The following SIMC1 variants were observed in gnomAD, a reference collection of about 807,000 sequenced individuals.
SIMC1 encodes SUMO interacting motifs containing 1, also known as SUMO-interacting motif-containing protein 1.
Under a neutral mutation model 82.3 loss-of-function variants are expected in SIMC1, and 55 were observed. That is an observed-to-expected ratio of 0.67 (90% CI 0.54 to 0.84). The LOEUF (loss-of-function observed/expected upper bound fraction) is 0.84, where lower values mean the gene tolerates loss of function less well. SIMC1 is among the 40% of genes least tolerant of loss of function. SIMC1 has a pLI of 0.00. For synonymous variants in SIMC1, 353 were observed against 426.3 expected, an observed-to-expected ratio of 0.83 and a Z score of 2.12; for missense variants, 915 against 1,107.2, an observed-to-expected ratio of 0.83 and a Z score of 2.46.
intron 1 of SIMC1, among the ~76,000 whole-genome samples, chr5:176,246,859 GT>G (rs1278492289): frequency 6.6e-6 from 1 of 151,942 alleles, no homozygotes; most frequent in African/African-American, 2.4e-5. Flanking sequence ...AACATGCAGT[GT>G]TTGGTTTTCT....
At chr5:176,280,167 G>A (rs891079439) in intron 1 of SIMC1, among the ~76,000 whole-genome samples, 6 of 152,136 alleles carry the variant, frequency 3.9e-5, no homozygotes, top group Non-Finnish European at 8.8e-5. Context: ...CCTGTATTGG[G>A]TGTATATATA....
chr5:176,255,754 AAAGT>A (rs891224767), intron 1 of SIMC1, among the ~76,000 whole-genome samples: 7 of 150,726 alleles, frequency 4.6e-5, no homozygotes, highest in African/African-American at 9.7e-5. Context: ...AGAAAGAAAG[AAAGT>A]AAGAAAGCCA....
In SIMC1 at chr5:176,283,851, C is replaced by T. The variant is rs553653431; in HGVS notation, c.130-5803C>T. ...GAAGATCTACCAAGCAAATGGAAAA[C>T]AAAAAAAGGCAGGGGTTGCAATCCT... On this transcript the variant is annotated intron_variant, in intron 1 of 9. Coordinates refer to ENST00000429602, the MANE Select transcript of SIMC1 (RefSeq NM_001308195.2). Among the ~76,000 whole-genome samples the T allele has an allele frequency of 9.7e-4, 147 of 151,582 alleles. 1 individual carries two copies. The South Asian group carries it at 9.8e-3, about 10-fold the overall frequency.
chr5:176,247,293 T>G (rs1322601471), intron 1 of SIMC1, among the ~76,000 whole-genome samples: 1 of 152,124 alleles, frequency 6.6e-6, no homozygotes, highest in Non-Finnish European at 1.5e-5. Context: ...TTTTAATGAT[T>G]GCCATTCTAA....
intron 1 of SIMC1, among the ~76,000 whole-genome samples, chr5:176,272,773 C>A (rs1443725689): frequency 2.0e-5 from 3 of 152,212 alleles, no homozygotes; most frequent in Non-Finnish European, 2.9e-5. Context: ...GCAAACGGCA[C>A]ACCAGCAGAT....
intron 1 of SIMC1, among the ~76,000 whole-genome samples, chr5:176,262,019 G>A (rs1386608884): frequency 4.0e-5 from 6 of 151,502 alleles, no homozygotes; most frequent in South Asian, 4.2e-4. Flanking sequence ...AATTATAAGA[G>A]AAAACTACAG....
At position 176,345,473 on chromosome 5, in the gene SIMC1, A is replaced by G. The variant is rs767615376; in HGVS notation, c.*28A>G. On this transcript the variant is annotated 3_prime_UTR_variant, in exon 10 of 10. Transcript: ENST00000429602. Reference sequence around the variant, plus strand: ...GCCTGCCAAGCACTGAATGCCAAGAATACCTCCTGAACTCTCTCTCCAACT... The same window carrying G: ...GCCTGCCAAGCACTGAATGCCAAGAGTACCTCCTGAACTCTCTCTCCAACT... The G allele has an allele frequency of 1.9e-6, 3 of 1,594,966 alleles. No individual in the cohort carries two copies. The highest frequency in any genetic ancestry group is 1.1e-5 in the South Asian group (1 of 88,596).
chr5:176,301,172 G>C (rs781576527), intron 4 of SIMC1, among the ~76,000 whole-genome samples: 1 of 152,104 alleles, frequency 6.6e-6, no homozygotes, highest in Non-Finnish European at 1.5e-5. Flanking sequence ...TAATTCCCAC[G>C]TGTTATGGGA....
At chr5:176,257,087 T>C (rs1761871185) in intron 1 of SIMC1, among the ~76,000 whole-genome samples, 1 of 112,334 alleles carries the variant, frequency 8.9e-6, no homozygotes, top group African/African-American at 3.0e-5. Flanking sequence ...AATTATTTTA[T>C]TTACTTGTGT....
chr5:176,300,677 A>G (rs1764002679), intron 4 of SIMC1, among the ~76,000 whole-genome samples: 1 of 152,162 alleles, frequency 6.6e-6, no homozygotes, highest in African/African-American at 2.4e-5. Context: ...TAGATTAAAA[A>G]AGAGAGAAGA....
In SIMC1 at chr5:176,264,377, CT is replaced by C. The variant is rs898000493; in HGVS notation, c.130-25274del. Among the ~76,000 whole-genome samples, 5 of 152,280 alleles carry C rather than the reference CT, an allele frequency of 3.3e-5. No individual in the cohort carries two copies. In the East Asian group the frequency reaches 7.7e-4, roughly 23 times the overall value. On this transcript the variant is annotated intron_variant, in intron 1 of 9. Transcript: ENST00000429602. The stretch of plus-strand genomic sequence containing the variant: ...GCAGGCTTCTGCCTGGGCATGCAGA[CT>C]TTCTGATACATCTTCCGAAATCTAG...
At chr5:176,311,390 A>G (rs1053119983) in intron 4 of SIMC1, among the ~76,000 whole-genome samples, 3 of 152,136 alleles carry the variant, frequency 2.0e-5, no homozygotes, top group Non-Finnish European at 2.9e-5. Flanking sequence ...GGCACATGCT[A>G]TCACGCCTGG....
chr5:176,293,028 C>T (rs1051171023), intron 2 of SIMC1, among the ~76,000 whole-genome samples: 4 of 152,170 alleles, frequency 2.6e-5, no homozygotes, highest in African/African-American at 9.7e-5. Context: ...AAACCAGCTT[C>T]TGCCATTTGT....
chr5:176,293,414 G>A (rs891136065), intron 2 of SIMC1, among the ~76,000 whole-genome samples: 3 of 150,366 alleles, frequency 2.0e-5, no homozygotes, highest in African/African-American at 7.3e-5. Flanking sequence ...CAGCGTGGGC[G>A]ACACAGCGAG....
At position 176,263,308 on chromosome 5, in the gene SIMC1, C is replaced by A. The variant is rs1762078413; in HGVS notation, c.129+24671C>A. ...TGATTGTAAAGTTTATATGGAGGGA[C>A]AAAAGATTCAGAATAGCTGTCTTAG... On this transcript the variant is annotated intron_variant, in intron 1 of 9. Coordinates refer to ENST00000429602, the MANE Select transcript of SIMC1 (RefSeq NM_001308195.2). The A allele has an allele frequency of 6.2e-6, 5 of 806,394 alleles. No individual in the cohort carries two copies. In the South Asian group the frequency reaches 1.3e-4, roughly 21 times the overall value. 50.0% of individuals were successfully genotyped at this position (806,394 alleles called of 1,614,324 possible).
At chr5:176,340,539 G>A (rs73805782) in intron 9 of SIMC1, among the ~76,000 whole-genome samples, 8,817 of 152,266 alleles carry the variant, frequency 0.058, 338 homozygotes, top group African/African-American at 0.11. Flanking sequence ...TCCCTGCAAG[G>A]AGCCCTGTCC....
intron 5 of SIMC1, among the ~76,000 whole-genome samples, chr5:176,315,460 A>C (rs961977309): frequency 6.6e-6 from 1 of 152,206 alleles, no homozygotes; most frequent in African/African-American, 2.4e-5. Flanking sequence ...GGAGAGGTCA[A>C]ATATCAAAGC....
At chr5:176,264,940 G>C (rs1217694483) in intron 1 of SIMC1, among the ~76,000 whole-genome samples, 10 of 152,156 alleles carry the variant, frequency 6.6e-5, no homozygotes, top group Non-Finnish European at 1.2e-4. Context: ...AGGCCAAGGA[G>C]GGAAGATTGC....
intron 1 of SIMC1, chr5:176,263,292 A>G (rs1467464022): frequency 1.3e-6 from 1 of 785,872 alleles, no homozygotes; most frequent in Non-Finnish European, 1.9e-6. Context: ...CTGATTGTAA[A>G]GTTTATATGG....
Sources: gnomAD v4.1 joint callset for allele counts (sites outside exome capture counted in the v4.1 genomes callset) on GRCh38, gnomAD v4.1.1 for gene constraint, MANE v1.5 for transcripts, NCBI Gene and HGNC (gene_info 2026-07-23, HGNC 2026-07-21) for gene names.